Variants in PKHD1 observed in about 807,000 individuals in gnomAD.
PKHD1 encodes PKHD1 ciliary IPT domain containing fibrocystin/polyductin.
A neutral mutation model predicts 412.0 loss-of-function variants in PKHD1; 291 were observed. The ratio of observed to expected loss-of-function variants is 0.71; its 90% CI spans 0.64 to 0.78. The LOEUF (loss-of-function observed/expected upper bound fraction) is 0.78. PKHD1 is among the 30% of genes least tolerant of loss of function. PKHD1 has a pLI of 0.00. For synonymous variants in PKHD1, 1,777 were observed against 1,821.5 expected (o/e 0.98, Z 0.62); for missense variants, 4,825 against 4,950.7 (o/e 0.97, Z 0.76).
chr6:51,966,207 A>G (rs1286508302), intron 35 of PKHD1, among the ~76,000 whole-genome samples: 1 of 152,126 alleles, frequency 6.6e-6, no homozygotes, highest in African/African-American at 2.4e-5. Context: ...GTTGGGACAC[A>G]GCTTGGTTTT....
chr6:51,915,514 C>G (rs4715262), intron 37 of PKHD1, among the ~76,000 whole-genome samples: 57,558 of 151,462 alleles, frequency 0.38, 11,630 homozygotes, highest in East Asian at 0.75. Flanking sequence ...TCCATAAATA[C>G]ATCCTGAATG....
chr6:52,071,133 T>C lies in PKHD1; in HGVS notation c.603-63A>G, dbSNP rs895350440. On this transcript the variant is annotated intron_variant, in intron 8 of 66. Coordinates refer to ENST00000371117, the MANE Select transcript of PKHD1 (RefSeq NM_138694.4). ...AACTCACTACCAGAAGATCTGACTC[T>C]TTAACCAGGAAAGTAGAAAGCAAAA... 13 of 1,136,616 alleles carry C rather than the reference T, an allele frequency of 1.1e-5. No individual in the cohort carries two copies. In the South Asian group the frequency reaches 1.4e-4, roughly 12 times the overall value. The allele number at this position is 1,136,616 out of a possible 1,614,324, so 70.4% of individuals were successfully genotyped here.
At chr6:51,755,808 C>A (rs562463463) in intron 55 of PKHD1, among the ~76,000 whole-genome samples, 3 of 152,218 alleles carry the variant, frequency 2.0e-5, no homozygotes, top group Non-Finnish European at 2.9e-5. Flanking sequence ...AATCATGCAA[C>A]CTTTATTGAC....
chr6:52,071,932 G>A (rs1001113224), intron 8 of PKHD1, among the ~76,000 whole-genome samples, 183 bp downstream of exon 8: 1 of 152,128 alleles, frequency 6.6e-6, no homozygotes, highest in African/African-American at 2.4e-5. Flanking sequence ...TACGCACTTT[G>A]AATCAATCCC....
intron 60 of PKHD1, among the ~76,000 whole-genome samples, chr6:51,690,420 T>A (rs1054461031): frequency 1.3e-5 from 2 of 151,726 alleles, no homozygotes; most frequent in African/African-American, 4.8e-5. Flanking sequence ...CAAACTATAC[T>A]ACAGGCCTAT....
At chr6:51,771,844 A>G (rs1054415246) in intron 55 of PKHD1, among the ~76,000 whole-genome samples, 4 of 152,076 alleles carry the variant, frequency 2.6e-5, no homozygotes, top group Non-Finnish European at 5.9e-5. Context: ...TTTTTCCTTA[A>G]ACATTTATAG....
intron 60 of PKHD1, among the ~76,000 whole-genome samples, chr6:51,712,837 C>T (rs183872349): frequency 6.6e-6 from 1 of 152,226 alleles, no homozygotes; most frequent in African/African-American, 2.4e-5. Context: ...GTAGTAGATG[C>T]AATAATGCAT....
At chr6:51,971,820 T>C (rs966943563) in intron 35 of PKHD1, among the ~76,000 whole-genome samples, 3 of 152,116 alleles carry the variant, frequency 2.0e-5, no homozygotes, top group Non-Finnish European at 2.9e-5. Context: ...AGACTCGACC[T>C]CCTGGGATCA....
At chr6:51,930,215 A>C (rs928210688) in intron 37 of PKHD1, among the ~76,000 whole-genome samples, 2 of 152,136 alleles carry the variant, frequency 1.3e-5, no homozygotes, top group Non-Finnish European at 2.9e-5. Context: ...ACAGCTACCC[A>C]AACCCCAGAC....
At chr6:51,887,842 CTAA>C (rs1363958518) in intron 43 of PKHD1, among the ~76,000 whole-genome samples, 1 of 152,210 alleles carries the variant, frequency 6.6e-6, no homozygotes, top group East Asian at 1.9e-4. Context: ...CGAGAATGAA[CTAA>C]TAAAAATATT....
intron 60 of PKHD1, among the ~76,000 whole-genome samples, chr6:51,682,419 T>C (rs573037768): frequency 1.2e-4 from 19 of 152,206 alleles, no homozygotes; most frequent in African/African-American, 4.1e-4. Flanking sequence ...CAGTGTGATA[T>C]AAAGATGAAA....
chr6:52,053,595 T>G (rs73433801), intron 20 of PKHD1, among the ~76,000 whole-genome samples: 6,788 of 152,260 alleles, frequency 0.045, 524 homozygotes, highest in African/African-American at 0.15. Context: ...CTTCTGGACA[T>G]TACCAGTTTC....
In PKHD1 at chr6:51,754,871, C is replaced by T. The variant is rs1325838879; in HGVS notation, c.8710G>A (p.Glu2904Lys). The T allele has an allele frequency of 1.2e-6, 2 of 1,612,850 alleles. No individual in the cohort carries two copies. The highest frequency in any genetic ancestry group is 2.2e-5 in the East Asian group (1 of 44,868). ...GTGAGGACCTCTGCTTCATGAGGCT[C>T]ATAAGAAGAGGAGCTAAGGACTATT... ...DKIVLSSSSY[E>K]PHEAEVLTVK... Residue 2904 changes from glutamate to lysine, a missense_variant, in exon 56 of 67, where the codon GAG becomes AAG. Physicochemically the swap from Glu to Lys is moderately conservative, Grantham distance 56. Coordinates refer to ENST00000371117, the MANE Select transcript of PKHD1 (RefSeq NM_138694.4).
chr6:51,760,361 C>G (rs924597712), intron 55 of PKHD1, among the ~76,000 whole-genome samples: 1 of 152,088 alleles, frequency 6.6e-6, no homozygotes, highest in African/African-American at 2.4e-5. Context: ...TATCTCTCCC[C>G]TATAGAAGCC....
At chr6:51,819,739 C>T (rs186220006) in intron 52 of PKHD1, among the ~76,000 whole-genome samples, 78 of 152,312 alleles carry the variant, frequency 5.1e-4, no homozygotes, top group African/African-American at 1.8e-3. Context: ...TTTCTGAACT[C>T]TGTTTTCATA....
At chr6:51,833,279 T>G (rs969273127) in intron 51 of PKHD1, among the ~76,000 whole-genome samples, 1 of 152,172 alleles carries the variant, frequency 6.6e-6, no homozygotes, top group African/African-American at 2.4e-5. Context: ...CTCTTGCTTA[T>G]AAGAGGGCTG....
intron 48 of PKHD1, among the ~76,000 whole-genome samples, chr6:51,864,046 G>C (rs1686126700): frequency 1.3e-5 from 2 of 152,178 alleles, no homozygotes; most frequent in African/African-American, 2.4e-5. Flanking sequence ...GCACACAACA[G>C]AGATATCAAA....
chr6:51,672,555 G>C (rs755689947), intron 60 of PKHD1, among the ~76,000 whole-genome samples: 4 of 152,202 alleles, frequency 2.6e-5, no homozygotes, highest in Non-Finnish European at 5.9e-5. Context: ...GTCTGCCCGT[G>C]TTGTGGAGAA....
intron 35 of PKHD1, among the ~76,000 whole-genome samples, chr6:52,004,412 C>A (rs898013698): frequency 6.6e-6 from 1 of 151,868 alleles, no homozygotes; most frequent in Non-Finnish European, 1.5e-5. Context: ...CCTTTAAAAC[C>A]TTTAATATGC....
Sources: gnomAD v4.1 joint callset for allele counts (sites outside exome capture counted in the v4.1 genomes callset) on GRCh38, gnomAD v4.1.1 for gene constraint, MANE v1.5 for transcripts, NCBI Gene and HGNC (gene_info 2026-07-23, HGNC 2026-07-21) for gene names.